The following TAFA1 variants were observed in gnomAD, a reference collection of about 807,000 sequenced individuals.
TAFA1 encodes the protein chemokine-like protein TAFA-1.
A neutral mutation model predicts 18.5 loss-of-function variants in TAFA1; 4 were observed. That is an observed-to-expected ratio of 0.22 (90% confidence interval 0.11 to 0.49). The LOEUF is 0.49. Ranked by LOEUF, TAFA1 falls within the 20% of genes least tolerant of loss-of-function variation. The pLI is 0.98. For synonymous variants in TAFA1, 56 were observed against 55.2 expected, an observed-to-expected ratio of 1.01 and a Z score of -0.06; for missense variants, 147 against 169.0, an observed-to-expected ratio of 0.87 and a Z score of 0.72.
chr3:68,525,569 A>C (rs934314239), intron 3 of TAFA1, among the ~76,000 whole-genome samples: 1 of 152,208 alleles, frequency 6.6e-6, no homozygotes, highest in African/African-American at 2.4e-5. Flanking sequence ...GTTGTTTTCC[A>C]CTTTTTAAGA....
chr3:68,080,373 T>C (rs1017435228), intron 2 of TAFA1, among the ~76,000 whole-genome samples: 6 of 152,166 alleles, frequency 3.9e-5, no homozygotes, highest in Non-Finnish European at 1.5e-5. Context: ...TAGCTGGTTA[T>C]TTTGCTCGTT....
At chr3:68,294,275 T>G (rs1038682033) in intron 2 of TAFA1, among the ~76,000 whole-genome samples, 1 of 152,226 alleles carries the variant, frequency 6.6e-6, no homozygotes, top group African/African-American at 2.4e-5. Flanking sequence ...AATTTTCATG[T>G]AGCCACATTT....
chr3:68,537,951 G>T (rs907915384), intron 3 of TAFA1, among the ~76,000 whole-genome samples: 4 of 152,096 alleles, frequency 2.6e-5, no homozygotes, highest in African/African-American at 9.7e-5. Flanking sequence ...ACTCAAATTA[G>T]GCTCCCTGAA....
At chr3:68,382,487 G>C (rs955533413) in intron 2 of TAFA1, among the ~76,000 whole-genome samples, 1 of 151,912 alleles carries the variant, frequency 6.6e-6, no homozygotes, top group African/African-American at 2.4e-5. Flanking sequence ...TCCTTTCCCT[G>C]TTGCTTGTTT....
At chr3:68,200,613 G>A (rs1195505502) in intron 2 of TAFA1, among the ~76,000 whole-genome samples, 1 of 151,520 alleles carries the variant, frequency 6.6e-6, no homozygotes, top group Non-Finnish European at 1.5e-5. Context: ...AAATTTGTGA[G>A]CATTGAGTTG....
At chr3:68,081,894 G>A (rs887281101) in intron 2 of TAFA1, among the ~76,000 whole-genome samples, 7 of 152,178 alleles carry the variant, frequency 4.6e-5, no homozygotes, top group African/African-American at 1.4e-4. Context: ...GGGCAATGGC[G>A]GGCGCCCCTC....
At chr3:68,245,225 A>G (rs930785399) in intron 2 of TAFA1, among the ~76,000 whole-genome samples, 4 of 152,192 alleles carry the variant, frequency 2.6e-5, no homozygotes, top group African/African-American at 9.7e-5. Flanking sequence ...TTGACAATAC[A>G]CTTTGTCGTG....
intron 2 of TAFA1, among the ~76,000 whole-genome samples, chr3:68,060,160 C>T (rs2064583862): frequency 6.6e-6 from 1 of 151,962 alleles, no homozygotes; most frequent in Admixed American, 6.6e-5. Context: ...TGTGCCTCAT[C>T]ACCTCAAAAG....
At chr3:68,168,693 C>G (rs4321533) in intron 2 of TAFA1, among the ~76,000 whole-genome samples, 6,198 of 152,280 alleles carry the variant, frequency 0.041, 150 homozygotes, top group Middle Eastern at 0.075. Flanking sequence ...GGTTGCAAGT[C>G]TATTTCTACA....
chr3:68,196,436 A>G (rs888342168), intron 2 of TAFA1, among the ~76,000 whole-genome samples: 1 of 151,710 alleles, frequency 6.6e-6, no homozygotes, highest in Non-Finnish European at 1.5e-5. Flanking sequence ...CTTATGTGGG[A>G]TCTATATTTG....
At chr3:68,460,782 C>A (rs2071761691) in intron 3 of TAFA1, among the ~76,000 whole-genome samples, 2 of 152,226 alleles carry the variant, frequency 1.3e-5, no homozygotes, top group Admixed American at 6.5e-5. Flanking sequence ...GCCCAGTAAT[C>A]TGTATTTCAA....
intron 2 of TAFA1, among the ~76,000 whole-genome samples, chr3:68,224,741 C>T (rs72924521): frequency 0.082 from 12,416 of 151,908 alleles, 744 homozygotes; most frequent in African/African-American, 0.16. Flanking sequence ...TTACACCAAA[C>T]AACTTCTAAA....
At chr3:68,305,342 A>G (rs1043692980) in intron 2 of TAFA1, among the ~76,000 whole-genome samples, 24 of 146,556 alleles carry the variant, frequency 1.6e-4, no homozygotes, top group Admixed American at 3.4e-4. Context: ...ATTTCCAAGT[A>G]AAGTAATATA....
intron 2 of TAFA1, among the ~76,000 whole-genome samples, chr3:68,219,445 A>C (rs1480097997): frequency 1.3e-5 from 2 of 152,108 alleles, no homozygotes; most frequent in African/African-American, 4.8e-5. Context: ...GGCCTTTTCC[A>C]ATGCAGTTGT....
intron 3 of TAFA1, among the ~76,000 whole-genome samples, chr3:68,500,651 G>GT (rs1193063798): frequency 6.6e-6 from 1 of 151,922 alleles, no homozygotes; most frequent in Non-Finnish European, 1.5e-5. Context: ...TTGAGTAGCT[G>GT]TGACAATGAG....
intron 2 of TAFA1, among the ~76,000 whole-genome samples, chr3:68,323,064 G>A (rs192045873): frequency 3.3e-5 from 5 of 152,256 alleles, no homozygotes; most frequent in East Asian, 3.9e-4. Context: ...GCTGAAAAGC[G>A]GTGCCATGGC....
intron 3 of TAFA1, among the ~76,000 whole-genome samples, chr3:68,468,031 A>G (rs2071924145): frequency 6.6e-6 from 1 of 152,220 alleles, no homozygotes; most frequent in South Asian, 2.1e-4. Context: ...TGATGTCAAG[A>G]TATGATTATC....
At chr3:68,356,814 A>G (rs778263487) in intron 2 of TAFA1, among the ~76,000 whole-genome samples, 25 of 151,994 alleles carry the variant, frequency 1.6e-4, no homozygotes, top group Admixed American at 7.9e-4. Context: ...ATATTGTGCT[A>G]AACACATGAA....
chr3:68,413,792 G>A (rs997393469), intron 2 of TAFA1, among the ~76,000 whole-genome samples: 38 of 152,232 alleles, frequency 2.5e-4, no homozygotes, highest in African/African-American at 8.9e-4. Context: ...ATGAGTGCTT[G>A]CTAAGGGGAG....
Sources: allele counts gnomAD v4.1 joint callset (sites outside exome capture counted in the v4.1 genomes callset), GRCh38; gene constraint gnomAD v4.1.1; transcripts MANE v1.5; gene names NCBI Gene and HGNC (gene_info 2026-07-23, HGNC 2026-07-21).